The following SUSD4 variants were observed in gnomAD, a reference collection of about 807,000 sequenced individuals.
SUSD4 encodes the protein sushi domain-containing protein 4.
A neutral mutation model predicts 50.5 loss-of-function variants in SUSD4; 41 were observed. The observed-to-expected ratio is 0.81, with a 90% CI of 0.63 to 1.05. The LOEUF (loss-of-function observed/expected upper bound fraction) is 1.05, where lower values mean the gene tolerates loss of function less well. Among genes scored for constraint, SUSD4 ranks in the 50% least tolerant of loss-of-function variants. The pLI is 0.00. For missense variants in SUSD4, 580 were observed against 634.7 expected (o/e 0.91, Z 0.93); for synonymous variants, 257 against 257.3 (o/e 1.00, Z 0.01).
intron 5 of SUSD4, among the ~76,000 whole-genome samples, chr1:223,257,877 G>A (rs1452901397): frequency 6.6e-6 from 1 of 152,180 alleles, no homozygotes; most frequent in East Asian, 1.9e-4. Context: ...GGAAGTGACC[G>A]AGGTGACACT....
intron 5 of SUSD4, among the ~76,000 whole-genome samples, chr1:223,255,882 G>A (rs564711400): frequency 3.9e-5 from 6 of 152,302 alleles, no homozygotes; most frequent in African/African-American, 1.2e-4. Flanking sequence ...TTGAGACCAC[G>A]CCTCTGGCCA....
intron 2 of SUSD4, among the ~76,000 whole-genome samples, chr1:223,314,316 A>C (rs1666050391): frequency 6.6e-6 from 1 of 152,160 alleles, no homozygotes; most frequent in East Asian, 1.9e-4. Context: ...CTGGATAAAC[A>C]TTCAGTGAGC....
At chr1:223,329,791 TAG>T (rs1309086963) in intron 2 of SUSD4, among the ~76,000 whole-genome samples, 1 of 151,640 alleles carries the variant, frequency 6.6e-6, no homozygotes, top group Non-Finnish European at 1.5e-5. Context: ...GATGAACAGA[TAG>T]AGAGATGAAT....
At chr1:223,302,619 C>T (rs1043145591) in intron 2 of SUSD4, among the ~76,000 whole-genome samples, 2 of 152,170 alleles carry the variant, frequency 1.3e-5, no homozygotes, top group African/African-American at 4.8e-5. Flanking sequence ...TGAGGGCCCC[C>T]TGCCCCAATG....
chr1:223,273,681 G>C (rs561309524), intron 3 of SUSD4, among the ~76,000 whole-genome samples: 2 of 152,218 alleles, frequency 1.3e-5, no homozygotes, highest in Admixed American at 1.3e-4. Flanking sequence ...ACTGTGGTCA[G>C]CCATGCCCAC....
intron 5 of SUSD4, among the ~76,000 whole-genome samples, chr1:223,233,327 G>T (rs919398267): frequency 1.3e-5 from 2 of 152,142 alleles, no homozygotes; most frequent in Admixed American, 6.5e-5. Flanking sequence ...GTGAGGGTAG[G>T]GGGTGGGAGC....
Position 223,363,293 on chromosome 1 carries a change from C to T in SUSD4, c.133G>A (p.Ala45Thr). Reference sequence around the variant, plus strand: ...GGTCACTCACCGCCCGTGAGCTGTGCAGGGCCGAAGCACAGCGCCAGCTGA... The same window carrying T: ...GGTCACTCACCGCCCGTGAGCTGTGTAGGGCCGAAGCACAGCGCCAGCTGA... ...WFQLALCFGP[A>T]QLTGGFDDLQ... Residue 45 changes from alanine to threonine, a missense_variant, in exon 2 of 9, where the codon GCA becomes ACA. Physicochemically the swap from Ala to Thr is moderately conservative, Grantham distance 58 (BLOSUM62 0). Coordinates refer to ENST00000366878, the MANE Select transcript of SUSD4 (RefSeq NM_017982.4). 6 of 1,606,168 alleles carry T rather than the reference C, an allele frequency of 3.7e-6. No individual in the cohort carries two copies. The highest frequency in any genetic ancestry group is 1.1e-5 in the South Asian group (1 of 88,694).
chr1:223,249,780 CAA>C (rs1234459124), intron 5 of SUSD4, among the ~76,000 whole-genome samples: 1 of 152,056 alleles, frequency 6.6e-6, no homozygotes, highest in Non-Finnish European at 1.5e-5. Context: ...AAACATAAAA[CAA>C]AAAATGCATG....
intron 2 of SUSD4, among the ~76,000 whole-genome samples, chr1:223,349,009 A>C (rs1435409810): frequency 1.3e-5 from 2 of 152,166 alleles, no homozygotes; most frequent in East Asian, 3.9e-4. Flanking sequence ...GCAAGCAAGG[A>C]GACTGAGACC....
rs1558196915 is a variant in SUSD4 at position 223,268,011 on chromosome 1, T to TATATA, written c.535+490_535+491insTATAT. 2.5e-3 allele frequency among the ~76,000 whole-genome samples: 19 copies of TATATA among 7,660 alleles called. 1 individual carries two copies. Among genetic ancestry groups the TATATA allele is most frequent in the African/African-American group, 9.2e-3 (16 of 1,736 alleles). 5.0% of individuals were successfully genotyped at this position (7,660 alleles called of 152,430 possible). On this transcript the variant is annotated intron_variant, in intron 4 of 8. Coordinates refer to ENST00000366878, the MANE Select transcript of SUSD4 (RefSeq NM_017982.4). ...ATAATTTTTCTGCTCTTCATGCATT[T>TATATA]TTTATATATATATATATATATATAT...
chr1:223,224,758 G>A (rs767173722), intron 7 of SUSD4, among the ~76,000 whole-genome samples: 18 of 152,048 alleles, frequency 1.2e-4, no homozygotes, highest in East Asian at 3.9e-4. Context: ...AGCCCGGGGC[G>A]TCTGACATCA....
intron 2 of SUSD4, among the ~76,000 whole-genome samples, chr1:223,322,684 G>A (rs1182307455): frequency 1.3e-5 from 2 of 152,156 alleles, no homozygotes; most frequent in Admixed American, 6.5e-5. Context: ...GTACGTGTGT[G>A]TGTGCATATG....
chr1:223,281,913 A>G (rs1571964458), intron 3 of SUSD4, among the ~76,000 whole-genome samples: 2 of 152,152 alleles, frequency 1.3e-5, no homozygotes, highest in African/African-American at 4.8e-5. Context: ...CTTCATCCCT[A>G]GGATGCAAGG....
At chr1:223,306,799 G>C (rs1772271) in intron 2 of SUSD4, among the ~76,000 whole-genome samples, 20,577 of 151,354 alleles carry the variant, frequency 0.14, 1,643 homozygotes, top group South Asian at 0.23. Context: ...TTTTTTAACT[G>C]ATTAATATGG....
chr1:223,341,945 G>C (rs911018991), intron 2 of SUSD4, among the ~76,000 whole-genome samples: 3 of 152,158 alleles, frequency 2.0e-5, no homozygotes, highest in Non-Finnish European at 4.4e-5. Flanking sequence ...GTATGAAACA[G>C]AGCTAAAGAT....
chr1:223,260,973 G>A (rs1163978351), intron 5 of SUSD4, among the ~76,000 whole-genome samples: 3 of 152,166 alleles, frequency 2.0e-5, no homozygotes, highest in South Asian at 2.1e-4. Flanking sequence ...AGGGAGAGGA[G>A]GTGCCATGCG....
At chr1:223,228,481 C>T (rs1206336568) in intron 6 of SUSD4, among the ~76,000 whole-genome samples, 5 of 152,282 alleles carry the variant, frequency 3.3e-5, no homozygotes, top group Non-Finnish European at 7.3e-5. Context: ...CATCCCCAGC[C>T]TGGAAAGGGC....
intron 2 of SUSD4, chr1:223,360,201 A>G: frequency 6.4e-6 from 3 of 470,780 alleles, no homozygotes; most frequent in Non-Finnish European, 8.8e-6. Context: ...TAAAGAATTC[A>G]CCTTAAAGGA....
intron 2 of SUSD4, among the ~76,000 whole-genome samples, chr1:223,325,759 ATTT>A (rs941415443): frequency 6.6e-6 from 1 of 152,182 alleles, no homozygotes; most frequent in South Asian, 2.1e-4. Context: ...CAAGAACTCA[ATTT>A]TTTTTACAAC....
Sources: allele counts gnomAD v4.1 joint callset (sites outside exome capture counted in the v4.1 genomes callset), GRCh38; gene constraint gnomAD v4.1.1; transcripts MANE v1.5; gene names NCBI Gene and HGNC (gene_info 2026-07-23, HGNC 2026-07-21).